Variants in RALGPS2 observed in about 807,000 individuals in gnomAD.
The protein encoded by RALGPS2 is Ral GEF with PH domain and SH3 binding motif 2, also known as ras-specific guanine nucleotide-releasing factor RalGPS2.
Under a neutral mutation model 86.8 loss-of-function variants are expected in RALGPS2, and 43 were observed. The ratio of observed to expected loss-of-function variants is 0.50; its 90% CI spans 0.39 to 0.64. RALGPS2 has a LOEUF of 0.64. RALGPS2 is among the 30% of genes least tolerant of loss of function. The probability of loss-of-function intolerance (pLI) is 0.00; values close to 1 mark genes in which losing one functional copy is unlikely to be tolerated. For synonymous variants in RALGPS2, 243 were observed against 231.3 expected (o/e 1.05, Z -0.46); for missense variants, 536 against 694.6 (o/e 0.77, Z 2.57).
intron 19 of RALGPS2, among the ~76,000 whole-genome samples, chr1:178,909,106 T>G (rs1660502892): frequency 6.6e-6 from 1 of 152,210 alleles, no homozygotes. Flanking sequence ...GGGTCCAGTT[T>G]TAATCTTCTG....
At chr1:178,837,997 GC>G (rs1185176603) in intron 8 of RALGPS2, among the ~76,000 whole-genome samples, 1 of 152,112 alleles carries the variant, frequency 6.6e-6, no homozygotes, top group Non-Finnish European at 1.5e-5. Flanking sequence ...ATCCGCCATT[GC>G]TGAGGCTTGA....
At chr1:178,864,310 T>C (rs572476183) in intron 8 of RALGPS2, among the ~76,000 whole-genome samples, 1 of 152,276 alleles carries the variant, frequency 6.6e-6, no homozygotes, top group African/African-American at 2.4e-5. Context: ...TTTATATTTC[T>C]TAGGATACAC....
At chr1:178,902,406 C>T (rs1043672299) in intron 18 of RALGPS2, among the ~76,000 whole-genome samples, 195 bp downstream of exon 18, 1 of 152,038 alleles carries the variant, frequency 6.6e-6, no homozygotes. Context: ...TTGGGAAATA[C>T]TTCTGTCCCA....
At chr1:178,902,364 CAA>C (rs1328356446) in intron 18 of RALGPS2, among the ~76,000 whole-genome samples, 153 bp downstream of exon 18, 2 of 152,030 alleles carry the variant, frequency 1.3e-5, no homozygotes, top group African/African-American at 2.4e-5. Flanking sequence ...CTGGAATACT[CAA>C]GAGAGAAAGT....
intron 1 of RALGPS2, among the ~76,000 whole-genome samples, chr1:178,745,134 A>G (rs1000754400): frequency 3.3e-5 from 5 of 152,204 alleles, no homozygotes; most frequent in Non-Finnish European, 5.9e-5. Context: ...AGGTGGGGAG[A>G]TAGATACTCT....
rs147565673 is a variant in RALGPS2 at position 178,854,428 on chromosome 1, C to G, written c.607+20878C>G. 3.9e-5 allele frequency among the ~76,000 whole-genome samples: 6 copies of G among 152,190 alleles called. No individual in the cohort carries two copies. In the East Asian group the frequency reaches 1.2e-3, roughly 29 times the overall value. On this transcript the variant is annotated intron_variant, in intron 8 of 19. Coordinates refer to ENST00000367635, the MANE Select transcript of RALGPS2 (RefSeq NM_152663.5). ...TTCCCTTTTGGAAATTCTCAATGTA[C>G]ATTCACATATTAAAGACTGAAAAGC...
chr1:178,815,276 G>A (rs1655173246), intron 6 of RALGPS2, among the ~76,000 whole-genome samples: 1 of 151,634 alleles, frequency 6.6e-6, no homozygotes, highest in Non-Finnish European at 1.5e-5. Flanking sequence ...AGTAGGACAG[G>A]GTTTTGCCAT....
At chr1:178,873,457 A>G (rs924020849) in intron 8 of RALGPS2, among the ~76,000 whole-genome samples, 2 of 152,218 alleles carry the variant, frequency 1.3e-5, no homozygotes, top group African/African-American at 2.4e-5. Flanking sequence ...GATAATACCA[A>G]TTGTTAGCAC....
chr1:178,809,273 A>G (rs1654872340), intron 5 of RALGPS2, among the ~76,000 whole-genome samples: 6 of 151,898 alleles, frequency 4.0e-5, no homozygotes, highest in Admixed American at 3.9e-4. Flanking sequence ...GAATTGTTTT[A>G]GTCTGCCTTT....
At chr1:178,810,024 A>T (rs1654901102) in intron 5 of RALGPS2, among the ~76,000 whole-genome samples, 1 of 151,874 alleles carries the variant, frequency 6.6e-6, no homozygotes, top group African/African-American at 2.4e-5. Flanking sequence ...AGACAGGAGG[A>T]TCACTTGAGC....
At chr1:178,907,116 T>G (rs571901005) in intron 19 of RALGPS2, among the ~76,000 whole-genome samples, 3 of 152,170 alleles carry the variant, frequency 2.0e-5, no homozygotes, top group Non-Finnish European at 2.9e-5. Context: ...GTATGTGATA[T>G]AGAGCAATGG....
chr1:178,772,926 C>G (rs1207333190), intron 1 of RALGPS2, among the ~76,000 whole-genome samples: 1 of 152,114 alleles, frequency 6.6e-6, no homozygotes, highest in Non-Finnish European at 1.5e-5. Context: ...CTCAGCCTCC[C>G]AAGAAGCTGG....
At chr1:178,747,292 G>A (rs2102035026) in intron 1 of RALGPS2, 1 of 1,523,972 alleles carries the variant, frequency 6.6e-7, no homozygotes, top group Non-Finnish European at 9.1e-7. Flanking sequence ...GTGATTGAGG[G>A]ACTCCAAAAT....
rs181268167 is a variant in RALGPS2, at chr1:178,828,532, G to A, written c.481-4892G>A. 6.9e-3 allele frequency among the ~76,000 whole-genome samples: 1,052 copies of A among 152,252 alleles called. 9 individuals are homozygous for A. The highest frequency in any genetic ancestry group is 0.023 in the African/African-American group (971 of 41,522). On this transcript the variant is annotated intron_variant, in intron 7 of 19. Coordinates refer to ENST00000367635, the MANE Select transcript of RALGPS2 (RefSeq NM_152663.5). ...GCAGTTTGTTCTTGACTGACATGTC[G>A]TTTTGCAGCACATGACTGTATAAGG...
At chr1:178,793,899 GGTTTCTTCCCTA>G (rs1654069942) in intron 4 of RALGPS2, among the ~76,000 whole-genome samples, 1 of 152,058 alleles carries the variant, frequency 6.6e-6, no homozygotes, top group Non-Finnish European at 1.5e-5. Flanking sequence ...TATATTTTCA[GGTTTCTTCCCTA>G]GTATGAATTT....
intron 4 of RALGPS2, among the ~76,000 whole-genome samples, chr1:178,802,632 C>G (rs1236335006): frequency 6.6e-6 from 1 of 152,024 alleles, no homozygotes; most frequent in African/African-American, 2.4e-5. Flanking sequence ...AAGAGCAACA[C>G]GAGGTGGGTA....
At chr1:178,826,558 A>G (rs980317878) in intron 7 of RALGPS2, among the ~76,000 whole-genome samples, 4 of 152,174 alleles carry the variant, frequency 2.6e-5, no homozygotes, top group African/African-American at 9.6e-5. Flanking sequence ...ATGGGGAGAA[A>G]TGGGATTTGG....
intron 17 of RALGPS2, among the ~76,000 whole-genome samples, chr1:178,901,677 G>C (rs1660179750): frequency 6.8e-6 from 1 of 147,952 alleles, no homozygotes; most frequent in Non-Finnish European, 1.5e-5. Flanking sequence ...AACAGAGTGA[G>C]ACTGTCTCAA....
Position 178,776,743 on chromosome 1 carries a change from G to A in RALGPS2, c.-22G>A. On this transcript the variant is annotated 5_prime_UTR_variant, in exon 2 of 20. Coordinates refer to ENST00000367635, the MANE Select transcript of RALGPS2 (RefSeq NM_152663.5). ...AGTCCTCTGTTGCTGTTAACATAAGGTCAGGGACTGATGAGGAAAGCATGG... is the reference window on the plus strand; with the variant it reads ...AGTCCTCTGTTGCTGTTAACATAAGATCAGGGACTGATGAGGAAAGCATGG... 6.2e-7 allele frequency: 1 copy of A among 1,604,724 alleles called. No individual in the cohort carries two copies. The highest frequency in any genetic ancestry group is 8.5e-7 in the Non-Finnish European group (1 of 1,172,938).
Sources: gnomAD v4.1 joint callset for allele counts (sites outside exome capture counted in the v4.1 genomes callset) on GRCh38, gnomAD v4.1.1 for gene constraint, MANE v1.5 for transcripts, NCBI Gene and HGNC (gene_info 2026-07-23, HGNC 2026-07-21) for gene names.